Variants in C10orf90 observed in about 807,000 individuals in gnomAD.
C10orf90 encodes (E2-independent) E3 ubiquitin-conjugating enzyme FATS.
Under a neutral mutation model 62.5 loss-of-function variants are expected in C10orf90, and 56 were observed. That is an observed-to-expected ratio of 0.90 (90% CI 0.72 to 1.12). The LOEUF is 1.12. Ranked by LOEUF, C10orf90 falls within the 50% of genes most tolerant of loss-of-function variation. The pLI, the probability that C10orf90 is intolerant of heterozygous loss-of-function variation, is 0.00. For missense variants in C10orf90, 970 were observed against 880.4 expected (o/e 1.10, Z -1.29); for synonymous variants, 386 against 340.4 (o/e 1.13, Z -1.47).
rs560583414 is a variant in C10orf90 at position 126,547,686 on chromosome 10, C to T, written c.314-33747G>A. Among the ~76,000 whole-genome samples, 10 of 151,960 alleles carry T rather than the reference C, an allele frequency of 6.6e-5. No individual in the cohort carries two copies. In the South Asian group the frequency reaches 1.9e-3, roughly 28 times the overall value. On this transcript the variant is annotated intron_variant, in intron 2 of 9. Coordinates refer to ENST00000488181, the MANE Select transcript of C10orf90 (RefSeq NM_001350921.2). ...AATCTCACCAAAGAAATAATGGAAACTGTAAGAGGGTCAAATGAAAATATT... is the reference window on the plus strand; with the variant it reads ...AATCTCACCAAAGAAATAATGGAAATTGTAAGAGGGTCAAATGAAAATATT...
At chr10:126,460,309 G>A (rs1433652252) in intron 6 of C10orf90, among the ~76,000 whole-genome samples, 2 of 152,240 alleles carry the variant, frequency 1.3e-5, no homozygotes, top group African/African-American at 4.8e-5. Context: ...CATTGACAAT[G>A]CATCACTCAC....
chr10:126,546,727 C>T (rs552448512), intron 2 of C10orf90, among the ~76,000 whole-genome samples: 2 of 152,306 alleles, frequency 1.3e-5, no homozygotes, highest in South Asian at 2.1e-4. Flanking sequence ...GCAGTAACAA[C>T]GTGGCACTCC....
chr10:126,578,308 A>G (rs143563863), intron 2 of C10orf90, among the ~76,000 whole-genome samples: 56 of 152,268 alleles, frequency 3.7e-4, no homozygotes, highest in African/African-American at 1.3e-3. Flanking sequence ...CAAACAACCC[A>G]ATTTTAAATG....
chr10:126,549,401 AT>A (rs1864576696), intron 2 of C10orf90, among the ~76,000 whole-genome samples: 1 of 152,258 alleles, frequency 6.6e-6, no homozygotes. Context: ...GCAAATAAGC[AT>A]ATGAAAAGAT....
chr10:126,572,871 A>G (rs769702824), intron 2 of C10orf90, among the ~76,000 whole-genome samples: 5 of 152,088 alleles, frequency 3.3e-5, no homozygotes, highest in Non-Finnish European at 7.4e-5. Flanking sequence ...GAAGTTACCC[A>G]ATATGGTCTT....
At chr10:126,473,607 C>T (rs1026227141) in intron 4 of C10orf90, among the ~76,000 whole-genome samples, 7 of 151,800 alleles carry the variant, frequency 4.6e-5, no homozygotes, top group African/African-American at 1.7e-4. Flanking sequence ...AGTCAGGTTC[C>T]AAAGCCATAC....
At chr10:126,486,317 T>C (rs1861432896) in intron 4 of C10orf90, among the ~76,000 whole-genome samples, 1 of 152,186 alleles carries the variant, frequency 6.6e-6, no homozygotes, top group Non-Finnish European at 1.5e-5. Context: ...GAGAGAAGCA[T>C]GGAAATCCCA....
At chr10:126,498,879 C>G (rs1862227509) in intron 4 of C10orf90, among the ~76,000 whole-genome samples, 1 of 152,214 alleles carries the variant, frequency 6.6e-6, no homozygotes, top group Admixed American at 6.5e-5. Flanking sequence ...CTCCCTCTGC[C>G]CAGTCCTGCT....
intron 4 of C10orf90, among the ~76,000 whole-genome samples, chr10:126,467,704 G>A (rs1322090554): frequency 1.3e-5 from 2 of 152,074 alleles, no homozygotes; most frequent in Non-Finnish European, 1.5e-5. Flanking sequence ...ACATGCCGTA[G>A]CGCAATAATC....
chr10:126,607,879 C>T (rs964025146), intron 2 of C10orf90, among the ~76,000 whole-genome samples: 5 of 152,238 alleles, frequency 3.3e-5, no homozygotes, highest in South Asian at 2.1e-4. Context: ...AGGAAATAAG[C>T]CAGTCCCAAA....
chr10:126,465,647 C>A (rs140885456), intron 4 of C10orf90, among the ~76,000 whole-genome samples: 2 of 152,124 alleles, frequency 1.3e-5, no homozygotes, highest in Non-Finnish European at 2.9e-5. Context: ...ATCGGGTCAA[C>A]GTGCATAGCT....
chr10:126,565,127 T>TAA, intron 2 of C10orf90, among the ~76,000 whole-genome samples: 2 of 41,840 alleles, frequency 4.8e-5, no homozygotes, highest in African/African-American at 1.9e-4. Context: ...ATATAATATA[T>TAA]AATATAAATA....
chr10:126,651,624 T>C (rs1480632912), intron 1 of C10orf90, among the ~76,000 whole-genome samples: 1 of 152,074 alleles, frequency 6.6e-6, no homozygotes. Flanking sequence ...AGAAACGTTA[T>C]ACAGAGCAGG....
intron 4 of C10orf90, among the ~76,000 whole-genome samples, chr10:126,481,210 G>A (rs1861145946): frequency 1.3e-5 from 2 of 152,238 alleles, no homozygotes; most frequent in African/African-American, 2.4e-5. Context: ...GAGCCAATGA[G>A]TAGCCAGCCC....
chr10:126,511,396 T>C (rs547259526), intron 3 of C10orf90, among the ~76,000 whole-genome samples: 63 of 152,076 alleles, frequency 4.1e-4, no homozygotes, highest in Non-Finnish European at 8.8e-4. Context: ...CTCTTAGCCA[T>C]TTTTAAGTGT....
At chr10:126,507,214 G>A (rs1394209232) in intron 3 of C10orf90, among the ~76,000 whole-genome samples, 1 of 151,840 alleles carries the variant, frequency 6.6e-6, no homozygotes, top group African/African-American at 2.4e-5. Flanking sequence ...AAAATTAGCT[G>A]GGCGTGGTGG....
At chr10:126,639,079 G>A (rs552953200) in intron 2 of C10orf90, among the ~76,000 whole-genome samples, 14 of 152,194 alleles carry the variant, frequency 9.2e-5, no homozygotes, top group Non-Finnish European at 1.5e-4. Flanking sequence ...TAAAAACCCA[G>A]CAAACTCCAA....
intron 3 of C10orf90, among the ~76,000 whole-genome samples, chr10:126,513,087 T>G (rs543221760): frequency 6.6e-6 from 1 of 152,238 alleles, no homozygotes; most frequent in Non-Finnish European, 1.5e-5. Flanking sequence ...CTGTGACAGA[T>G]AGCAGATGCC....
intron 2 of C10orf90, among the ~76,000 whole-genome samples, chr10:126,632,571 G>T (rs1037568769): frequency 6.6e-6 from 1 of 151,990 alleles, no homozygotes; most frequent in African/African-American, 2.4e-5. Context: ...CCAGTGAATT[G>T]CTGGGTGTGG....
Sources: gnomAD v4.1 joint callset for allele counts (sites outside exome capture counted in the v4.1 genomes callset) on GRCh38, gnomAD v4.1.1 for gene constraint, MANE v1.5 for transcripts, NCBI Gene and HGNC (gene_info 2026-07-23, HGNC 2026-07-21) for gene names.